HIVEP3: variants seen among roughly 807,000 people sequenced by gnomAD.
The protein encoded by HIVEP3 is transcription factor HIVEP3.
Under a neutral mutation model 152.8 loss-of-function variants are expected in HIVEP3, and 49 were observed. That is an observed-to-expected ratio of 0.32 (90% CI 0.26 to 0.41). The LOEUF (loss-of-function observed/expected upper bound fraction) is 0.41. Among genes scored for constraint, HIVEP3 ranks in the 10% least tolerant of loss-of-function variants. The pLI, the probability that HIVEP3 is intolerant of heterozygous loss-of-function variation, is 1.00. For synonymous variants in HIVEP3, 1,269 were observed against 1,289.0 expected (o/e 0.98, Z 0.33); for missense variants, 2,790 against 3,103.3 (o/e 0.90, Z 2.40).
chr1:41,587,295 A>T (rs1276167547), intron 3 of HIVEP3, among the ~76,000 whole-genome samples: 1 of 152,216 alleles, frequency 6.6e-6, no homozygotes, highest in African/African-American at 2.4e-5. Context: ...AAGACTGTGT[A>T]TCAGCAGAGA....
intron 1 of HIVEP3, among the ~76,000 whole-genome samples, chr1:42,003,651 A>T (rs1645441512): frequency 6.6e-6 from 1 of 152,164 alleles, no homozygotes; most frequent in Non-Finnish European, 1.5e-5. Context: ...ATTGGCAGCA[A>T]ACCAGGCCAT....
At chr1:41,946,840 C>T (rs1645077699) in intron 1 of HIVEP3, among the ~76,000 whole-genome samples, 1 of 152,086 alleles carries the variant, frequency 6.6e-6, no homozygotes, top group Non-Finnish European at 1.5e-5. Context: ...ACCTAAAAGC[C>T]CAAGGCCTAG....
chr1:41,594,171 G>C (rs1028015357), intron 3 of HIVEP3, among the ~76,000 whole-genome samples: 2 of 152,092 alleles, frequency 1.3e-5, no homozygotes, highest in Non-Finnish European at 2.9e-5. Flanking sequence ...GGATAGTTTG[G>C]GGGTCCATTA....
At chr1:41,767,654 C>T (rs910043515) in intron 1 of HIVEP3, among the ~76,000 whole-genome samples, 3 of 152,226 alleles carry the variant, frequency 2.0e-5, no homozygotes, top group Admixed American at 6.5e-5. Context: ...ACTCTCCCTT[C>T]CAAATACCCG....
At chr1:41,798,290 A>T (rs76284533) in intron 1 of HIVEP3, among the ~76,000 whole-genome samples, 4 of 136,698 alleles carry the variant, frequency 2.9e-5, no homozygotes, top group Non-Finnish European at 6.2e-5. Flanking sequence ...AAGTATAATT[A>T]AAAAAAAAAA....
At chr1:41,609,538 G>A (rs16828471) in intron 3 of HIVEP3, among the ~76,000 whole-genome samples, 3,375 of 152,362 alleles carry the variant, frequency 0.022, 128 homozygotes, top group African/African-American at 0.077. Context: ...TCTACACTAA[G>A]TGTACCAGGA....
intron 1 of HIVEP3, among the ~76,000 whole-genome samples, chr1:41,949,046 C>A (rs756200757): frequency 1.3e-5 from 2 of 152,172 alleles, no homozygotes; most frequent in African/African-American, 4.8e-5. Context: ...ACTATAGACA[C>A]AACCAACTCC....
At chr1:42,004,717 A>C (rs555854779) in intron 1 of HIVEP3, among the ~76,000 whole-genome samples, 5 of 152,336 alleles carry the variant, frequency 3.3e-5, no homozygotes, top group Non-Finnish European at 5.9e-5. Context: ...TGGTTCTCAA[A>C]GTATGGTAAC....
intron 1 of HIVEP3, among the ~76,000 whole-genome samples, chr1:41,974,158 G>A (rs995475241): frequency 1.4e-4 from 22 of 152,078 alleles, no homozygotes; most frequent in African/African-American, 4.3e-4. Flanking sequence ...AAAGCCAAAG[G>A]CACAAGAGAG....
chr1:41,748,982 G>A (rs1260423452), intron 1 of HIVEP3, among the ~76,000 whole-genome samples: 7 of 152,240 alleles, frequency 4.6e-5, no homozygotes, highest in South Asian at 4.2e-4. Context: ...TGAGACAGGT[G>A]CCACAAATGA....
chr1:41,882,123 T>C (rs772266809), intron 1 of HIVEP3, among the ~76,000 whole-genome samples: 8 of 152,192 alleles, frequency 5.3e-5, no homozygotes, highest in Non-Finnish European at 1.0e-4. Context: ...CCACACAATG[T>C]ATTTTAAGGA....
intron 1 of HIVEP3, among the ~76,000 whole-genome samples, chr1:42,033,082 G>A (rs1354665193): frequency 6.6e-6 from 1 of 152,064 alleles, no homozygotes; most frequent in Non-Finnish European, 1.5e-5. Context: ...TTTATCCACT[G>A]GATACATGGT....
chr1:41,675,066 C>T (rs1282947779), intron 2 of HIVEP3, among the ~76,000 whole-genome samples: 2 of 152,144 alleles, frequency 1.3e-5, no homozygotes, highest in African/African-American at 4.8e-5. Flanking sequence ...CATGGGTGTC[C>T]CTGTCCCCCC....
At position 41,582,032 on chromosome 1, in the gene HIVEP3, G is replaced by C. The variant is rs138905658; in HGVS notation, c.2766C>G (p.Phe922Leu). 3 of 1,614,052 alleles carry C rather than the reference G, an allele frequency of 1.9e-6. No homozygotes were observed. Among genetic ancestry groups the C allele is most frequent in the Non-Finnish European group, 2.5e-6 (3 of 1,180,040 alleles). ...EMAQSSGESS[F>L]ESSVPLSRSP... ...TGCGAGACAGAGGCACAGAGGACTC[G>C]AAGCTGGACTCCCCTGATGATTGGG... Residue 922 changes from phenylalanine to leucine, a missense_variant, in exon 4 of 9, where the codon TTC becomes TTG. Physicochemically the swap from Phe to Leu is conservative, Grantham distance 22 (BLOSUM62 0). Around this residue, in one of 9 missense-constraint regions of HIVEP3, gnomAD observed 1,078 missense variants for 1,165.3 expected, o/e 0.93. Transcript: ENST00000372583. The surrounding 1 kb of genome is among the most constrained non-coding windows in gnomAD (Gnocchi z 4.7).
chr1:41,895,310 A>G (rs1163356987), intron 1 of HIVEP3, among the ~76,000 whole-genome samples: 1 of 152,128 alleles, frequency 6.6e-6, no homozygotes, highest in African/African-American at 2.4e-5. Flanking sequence ...CTCCCTGCAC[A>G]TAAACTCATC....
chr1:41,620,698 C>T (rs1444947559), intron 3 of HIVEP3, among the ~76,000 whole-genome samples: 1 of 152,196 alleles, frequency 6.6e-6, no homozygotes, highest in Non-Finnish European at 1.5e-5. Context: ...TTTCACCCCT[C>T]TGTCTCTGGT....
At chr1:41,750,181 A>G (rs967263093) in intron 1 of HIVEP3, among the ~76,000 whole-genome samples, 1 of 152,140 alleles carries the variant, frequency 6.6e-6, no homozygotes, top group Non-Finnish European at 1.5e-5. Context: ...AACTGCACAC[A>G]CCTACCCCAC....
At chr1:41,796,773 C>T (rs1226314889) in intron 1 of HIVEP3, among the ~76,000 whole-genome samples, 1 of 152,192 alleles carries the variant, frequency 6.6e-6, no homozygotes, top group Non-Finnish European at 1.5e-5. Context: ...TAAAAAAACA[C>T]AATAGCATAT....
At chr1:41,606,631 C>G (rs187401194) in intron 3 of HIVEP3, among the ~76,000 whole-genome samples, 8 of 151,834 alleles carry the variant, frequency 5.3e-5, no homozygotes, top group African/African-American at 1.9e-4. Context: ...ATTTTGGGTT[C>G]CTTTTTTGAT....
Sources: allele counts gnomAD v4.1 joint callset (sites outside exome capture counted in the v4.1 genomes callset), GRCh38; gene constraint gnomAD v4.1.1; regional missense constraint gnomAD v4.1.1; non-coding constraint Gnocchi (gnomAD v3.1); transcripts MANE v1.5; gene names NCBI Gene and HGNC (gene_info 2026-07-23, HGNC 2026-07-21).